Variants in RRAGB observed in about 807,000 individuals in gnomAD.
The protein encoded by RRAGB is ras-related GTP-binding protein B.
RRAGB carries 6 observed loss-of-function variants against 29.3 expected under a neutral mutation model. The ratio of observed to expected loss-of-function variants is 0.21; its 90% CI spans 0.11 to 0.40. The LOEUF (loss-of-function observed/expected upper bound fraction) is 0.40, where lower values mean the gene tolerates loss of function less well. RRAGB is among the 10% of genes least tolerant of loss of function. The pLI is 1.00. For synonymous variants in RRAGB, 101 were observed against 92.5 expected, an observed-to-expected ratio of 1.09 and a Z score of -0.53; for missense variants, 184 against 272.9, an observed-to-expected ratio of 0.67 and a Z score of 2.29.
At chrX:55,749,340 G>T (rs868429699) in intron 5 of RRAGB, among the ~76,000 whole-genome samples, 6 of 94,446 alleles carry the variant, frequency 6.4e-5, no homozygotes, top group South Asian at 1.1e-3. Flanking sequence ...AGCCCGGCCA[G>T]CCGCCCCATC....
At chrX:55,734,852 T>A (rs1242347599) in intron 5 of RRAGB, among the ~76,000 whole-genome samples, 2 of 112,209 alleles carry the variant, frequency 1.8e-5, no homozygotes, top group African/African-American at 6.5e-5. Flanking sequence ...TTTCAAAAAA[T>A]TTTTCCATCT....
At chrX:55,718,456 G>T in intron 1 of RRAGB, 37 bp downstream of exon 1, 3 of 934,136 alleles carry the variant, frequency 3.2e-6, no homozygotes, top group Middle Eastern at 2.7e-4. Context: ...GGAAGTGGGG[G>T]TGTTCAAATT....
At chrX:55,744,387 CA>C (rs56294534) in intron 5 of RRAGB, among the ~76,000 whole-genome samples, 25 of 35,771 alleles carry the variant, frequency 7.0e-4, no homozygotes, top group Admixed American at 2.3e-3. Context: ...CAGAGTGAGC[CA>C]AAAAAAAAAA....
intron 5 of RRAGB, among the ~76,000 whole-genome samples, chrX:55,737,066 A>G (rs755883451): frequency 1.8e-5 from 2 of 112,221 alleles, no homozygotes; most frequent in African/African-American, 6.5e-5. Context: ...AGGTGGGTAT[A>G]TGCAGTACCC....
Position 55,722,180 on chromosome X carries a change from C to T in RRAGB, c.127-6C>T. The stretch of plus-strand genomic sequence containing the variant: ...TTTCCTTTCCTTTTCCCTACTTTGT[C>T]CTTAGGTGCTGTTGATGGGTAAAAG... On this transcript the variant is annotated splice_polypyrimidine_tract_variant and splice_region_variant and intron_variant, in intron 2 of 9. Coordinates refer to ENST00000374941, the MANE Select transcript of RRAGB (RefSeq NM_006064.5). The T allele has an allele frequency of 2.6e-6, 3 of 1,141,325 alleles. No homozygotes were observed. The highest frequency in any genetic ancestry group is 2.4e-4 in the Middle Eastern group (1 of 4,137). 94.1% of individuals were successfully genotyped at this position (1,141,325 alleles called of 1,213,427 possible).
chrX:55,742,254 C>T (rs891055138), intron 5 of RRAGB, among the ~76,000 whole-genome samples: 4 of 112,451 alleles, frequency 3.6e-5, no homozygotes, highest in Admixed American at 1.9e-4. Context: ...TAACTGGTCA[C>T]GTGATTTTTA....
At position 55,734,902 on chromosome X, in the gene RRAGB, T is replaced by A. The variant is rs186889720; in HGVS notation, c.516+3316T>A. ...ACCCAAAGATCATTGAAGAATAGAC[T>A]ATTTAATTTCCATATATTTGTATGG... On this transcript the variant is annotated intron_variant, in intron 5 of 9. Coordinates refer to ENST00000374941, the MANE Select transcript of RRAGB (RefSeq NM_006064.5). Among the ~76,000 whole-genome samples, 4 of 112,615 alleles carry A rather than the reference T, an allele frequency of 3.6e-5. No individual in the cohort carries two copies. In the East Asian group the frequency reaches 1.1e-3, roughly 31 times the overall value.
At chrX:55,749,715 C>T (rs1183894620) in intron 5 of RRAGB, among the ~76,000 whole-genome samples, 3 of 111,054 alleles carry the variant, frequency 2.7e-5, no homozygotes, top group African/African-American at 9.6e-5. Context: ...CCTTGGGATC[C>T]TGTTGATCTG....
intron 3 of RRAGB, chrX:55,727,316 G>A (rs1161676066): frequency 1.1e-5 from 13 of 1,148,686 alleles, no homozygotes; most frequent in Non-Finnish European, 1.4e-5. Context: ...GTACTAGACC[G>A]TATACATAGT....
intron 7 of RRAGB, among the ~76,000 whole-genome samples, chrX:55,754,301 A>G (rs1160950244): frequency 8.9e-6 from 1 of 112,540 alleles, no homozygotes; most frequent in Non-Finnish European, 1.9e-5. Context: ...TTTTTCTTGT[A>G]AATTGAACTT....
intron 5 of RRAGB, among the ~76,000 whole-genome samples, chrX:55,740,049 C>T (rs749405033): frequency 2.7e-5 from 3 of 112,054 alleles, no homozygotes; most frequent in African/African-American, 6.5e-5. Flanking sequence ...TTGCCGGGCG[C>T]GGTGGCTCAC....
intron 5 of RRAGB, among the ~76,000 whole-genome samples, chrX:55,733,187 C>T (rs777138967): frequency 4.5e-5 from 5 of 111,638 alleles, no homozygotes; most frequent in Non-Finnish European, 7.5e-5. Context: ...GTACCCATAG[C>T]TTAGCTCCTA....
At chrX:55,747,647 A>T (rs942255063) in intron 5 of RRAGB, among the ~76,000 whole-genome samples, 1 of 111,506 alleles carries the variant, frequency 9.0e-6, no homozygotes, top group Non-Finnish European at 1.9e-5. Context: ...TTTATTAGGA[A>T]TATCCAGTGG....
intron 6 of RRAGB, chrX:55,752,483 C>A: frequency 6.9e-6 from 2 of 291,926 alleles, no homozygotes; most frequent in Non-Finnish European, 9.2e-6. Flanking sequence ...CTAATTGGAA[C>A]AGAGACATGG....
At position 55,731,480 on chromosome X, in the gene RRAGB, A is replaced by G. The variant is rs1311786342; in HGVS notation, c.410A>G (p.His137Arg). Residue 137 changes from histidine (H) to arginine (R), a missense_variant, in exon 5 of 10, where the codon CAC becomes CGC. Coordinates refer to ENST00000374941, the MANE Select transcript of RRAGB (RefSeq NM_006064.5). ...AGCCGCGAACTGGAAAAGGACATGC[A>G]CTATTACCAATCATGCCTGGAGGCC... is the stretch of plus-strand genomic sequence containing the variant. ...VESRELEKDM[H>R]YYQSCLEAIL... 1 of 1,208,470 alleles carries G rather than the reference A, an allele frequency of 8.3e-7. No individual in the cohort carries two copies. The highest frequency in any genetic ancestry group is 3.0e-5 in the East Asian group (1 of 33,815).
chrX:55,719,876 C>T (rs1425113623), intron 2 of RRAGB, among the ~76,000 whole-genome samples: 1 of 112,317 alleles, frequency 8.9e-6, no homozygotes, highest in Admixed American at 9.4e-5. Flanking sequence ...GGCAGAATTG[C>T]TAAGAGTGCA....
chrX:55,754,977 C>A, intron 7 of RRAGB: 1 of 407,568 alleles, frequency 2.5e-6, no homozygotes. Flanking sequence ...TATTCCCCTA[C>A]TATGTCTGCC....
intron 5 of RRAGB, among the ~76,000 whole-genome samples, chrX:55,748,645 T>A (rs1264400717): frequency 9.6e-6 from 1 of 103,938 alleles, no homozygotes; most frequent in African/African-American, 3.6e-5. Flanking sequence ...CCGCCCCGCC[T>A]GAGAAGTGAG....
intron 7 of RRAGB, among the ~76,000 whole-genome samples, chrX:55,754,760 G>A (rs1234852546): frequency 8.9e-6 from 1 of 111,960 alleles, no homozygotes; most frequent in Admixed American, 9.4e-5. Context: ...TGTAACCCCA[G>A]AGGTATTTGG....
Sources: allele counts gnomAD v4.1 joint callset (sites outside exome capture counted in the v4.1 genomes callset), GRCh38; gene constraint gnomAD v4.1.1; transcripts MANE v1.5; gene names NCBI Gene and HGNC (gene_info 2026-07-23, HGNC 2026-07-21).